Variants in NRG3 observed in about 807,000 individuals in gnomAD.
NRG3 encodes pro-neuregulin-3, membrane-bound isoform.
A neutral mutation model predicts 66.9 loss-of-function variants in NRG3; 31 were observed. The observed-to-expected ratio is 0.46, with a 90% confidence interval of 0.35 to 0.63. The LOEUF is 0.63. Ranked by LOEUF, NRG3 falls within the 20% of genes least tolerant of loss-of-function variation. NRG3 has a pLI of 0.00. For missense variants in NRG3, 910 were observed against 878.9 expected (o/e 1.04, Z -0.45); for synonymous variants, 393 against 359.4 (o/e 1.09, Z -1.06).
intron 2 of NRG3, among the ~76,000 whole-genome samples, chr10:82,724,925 A>G (rs1280599993): frequency 6.6e-6 from 1 of 152,204 alleles, no homozygotes; most frequent in Non-Finnish European, 1.5e-5. Context: ...TCAGGGAATC[A>G]TCTACACAAC....
chr10:82,666,529 T>C (rs188699453), intron 2 of NRG3, among the ~76,000 whole-genome samples: 1 of 152,182 alleles, frequency 6.6e-6, no homozygotes, highest in African/African-American at 2.4e-5. Context: ...CTAAAAAAAA[T>C]TGATTTTCTG....
chr10:82,828,761 G>C (rs558755611), intron 3 of NRG3, among the ~76,000 whole-genome samples: 7 of 152,140 alleles, frequency 4.6e-5, no homozygotes, highest in Admixed American at 3.3e-4. Flanking sequence ...GGCTATCTGA[G>C]AAGAAAAGAA....
chr10:82,745,715 A>G (rs943753452), intron 3 of NRG3, among the ~76,000 whole-genome samples: 7 of 152,126 alleles, frequency 4.6e-5, no homozygotes, highest in African/African-American at 1.7e-4. Context: ...CCAATCTTTT[A>G]CCAATCATGT....
intron 4 of NRG3, among the ~76,000 whole-genome samples, chr10:82,893,903 A>G (rs1843407564): frequency 6.6e-6 from 1 of 152,198 alleles, no homozygotes; most frequent in Admixed American, 6.5e-5. Context: ...GAATAGAAGG[A>G]AAAAATGAAA....
intron 1 of NRG3, among the ~76,000 whole-genome samples, chr10:82,280,694 A>G (rs1030868230): frequency 6.6e-6 from 1 of 152,184 alleles, no homozygotes; most frequent in African/African-American, 2.4e-5. Context: ...GACTACACAA[A>G]ATAACGTAAC....
intron 2 of NRG3, among the ~76,000 whole-genome samples, chr10:82,547,774 CA>C (rs2044024746): frequency 6.6e-6 from 1 of 152,028 alleles, no homozygotes; most frequent in Admixed American, 6.6e-5. Context: ...TGTTTTTGAA[CA>C]GTCAGGGAAG....
chr10:81,891,197 C>T (rs956327154), intron 1 of NRG3, among the ~76,000 whole-genome samples: 2 of 152,054 alleles, frequency 1.3e-5, no homozygotes, highest in Non-Finnish European at 2.9e-5. Context: ...GCTCTTTGAA[C>T]ATTTGAGAAT....
chr10:81,934,076 G>T (rs1053785440), intron 1 of NRG3, among the ~76,000 whole-genome samples: 11 of 152,154 alleles, frequency 7.2e-5, no homozygotes, highest in Non-Finnish European at 1.0e-4. Flanking sequence ...TATCTCCAAT[G>T]ATCATACCAG....
intron 1 of NRG3, among the ~76,000 whole-genome samples, chr10:82,009,336 G>T (rs1348529733): frequency 2.0e-5 from 3 of 152,104 alleles, no homozygotes; most frequent in African/African-American, 4.8e-5. Flanking sequence ...ACCTTTTCCT[G>T]AATAGTAGAC....
At chr10:82,591,867 A>G (rs11195155) in intron 2 of NRG3, among the ~76,000 whole-genome samples, 2,571 of 152,300 alleles carry the variant, frequency 0.017, 85 homozygotes, top group African/African-American at 0.059. Flanking sequence ...CTTCTATCTT[A>G]CAGGGCCTGG....
intron 2 of NRG3, among the ~76,000 whole-genome samples, chr10:82,498,091 T>G (rs1196169455): frequency 6.9e-6 from 1 of 144,150 alleles, no homozygotes; most frequent in African/African-American, 2.7e-5. Flanking sequence ...AGTTATTTGG[T>G]TTTTTTTTTT....
intron 2 of NRG3, among the ~76,000 whole-genome samples, chr10:82,486,023 A>T (rs1433255169): frequency 6.6e-6 from 1 of 152,224 alleles, no homozygotes; most frequent in Non-Finnish European, 1.5e-5. Flanking sequence ...ATGCATACAA[A>T]TGTCCCACAG....
intron 1 of NRG3, among the ~76,000 whole-genome samples, chr10:82,119,900 T>C (rs926526876): frequency 2.0e-5 from 3 of 152,064 alleles, no homozygotes; most frequent in African/African-American, 4.8e-5. Context: ...AGAAATGATA[T>C]GGCTGGAAAT....
chr10:82,863,117 T>A (rs2064224491), intron 3 of NRG3, among the ~76,000 whole-genome samples: 1 of 152,204 alleles, frequency 6.6e-6, no homozygotes, highest in Admixed American at 6.5e-5. Flanking sequence ...GGTGTTCAGT[T>A]TTCTCTTCCT....
At chr10:82,745,992 A>G (rs539377517) in intron 3 of NRG3, among the ~76,000 whole-genome samples, 3 of 152,220 alleles carry the variant, frequency 2.0e-5, no homozygotes, top group African/African-American at 4.8e-5. Context: ...TCTGGGCTCA[A>G]GTGAGCTTGC....
At chr10:82,495,460 CT>C (rs1180111789) in intron 2 of NRG3, among the ~76,000 whole-genome samples, 4 of 151,904 alleles carry the variant, frequency 2.6e-5, no homozygotes, top group Admixed American at 2.6e-4. Flanking sequence ...CCATGCATTT[CT>C]CTTTTGCTCT....
chr10:82,936,745 A>G (rs556942297), intron 4 of NRG3, among the ~76,000 whole-genome samples: 97 of 152,340 alleles, frequency 6.4e-4, no homozygotes, highest in African/African-American at 1.9e-3. Context: ...CAATTTAAAA[A>G]TAAGTAAATA....
chr10:82,806,645 G>T (rs540678802), intron 3 of NRG3, among the ~76,000 whole-genome samples: 13 of 152,304 alleles, frequency 8.5e-5, no homozygotes, highest in Non-Finnish European at 1.3e-4. Context: ...TCTAGGAGTT[G>T]TCATGTACCA....
intron 2 of NRG3, among the ~76,000 whole-genome samples, chr10:82,591,431 C>T (rs1204695046): frequency 6.6e-6 from 1 of 152,162 alleles, no homozygotes; most frequent in Non-Finnish European, 1.5e-5. Flanking sequence ...GGCATCTAAA[C>T]TGTAGTAACA....
Sources: gnomAD v4.1 joint callset for allele counts (sites outside exome capture counted in the v4.1 genomes callset) on GRCh38, gnomAD v4.1.1 for gene constraint, MANE v1.5 for transcripts, NCBI Gene and HGNC (gene_info 2026-07-23, HGNC 2026-07-21) for gene names.